The following PTCHD4 variants were observed in gnomAD, a reference collection of about 807,000 sequenced individuals.
The protein encoded by PTCHD4 is patched domain-containing protein 4.
In PTCHD4, 33 loss-of-function variants were observed where a neutral mutation model predicts 58.1. The observed-to-expected ratio is 0.57, with a 90% CI of 0.43 to 0.76. PTCHD4 has a LOEUF of 0.76. Ranked by LOEUF, PTCHD4 falls within the 30% of genes least tolerant of loss-of-function variation. The pLI is 0.00. For synonymous variants in PTCHD4, 478 were observed against 409.6 expected (o/e 1.17, Z -2.02); for missense variants, 1,058 against 1,027.1 (o/e 1.03, Z -0.41).
chr6:48,092,920 AG>A (rs1765395733), intron 1 of PTCHD4, among the ~76,000 whole-genome samples: 1 of 152,152 alleles, frequency 6.6e-6, no homozygotes, highest in African/African-American at 2.4e-5. Context: ...TTTGAATTTT[AG>A]GAATGTCTGT....
At position 47,903,810 on chromosome 6, in the gene PTCHD4, A is replaced by G. The variant is rs996021175; in HGVS notation, c.899-23874T>C. ...TATTTAATATGTTGTATATTGATGA[A>G]TTTTGAAACTGAAGCAGAACAGAGG... On this transcript the variant is annotated intron_variant, in intron 4 of 4. Transcript: ENST00000339488. Among the ~76,000 whole-genome samples the G allele has an allele frequency of 2.0e-5, 3 of 152,172 alleles. No individual in the cohort carries two copies. The East Asian group carries it at 5.8e-4, about 29-fold the overall frequency.
chr6:47,911,620 T>A (rs1765073007), intron 4 of PTCHD4, among the ~76,000 whole-genome samples: 1 of 152,076 alleles, frequency 6.6e-6, no homozygotes, highest in Admixed American at 6.6e-5. Flanking sequence ...TTGACTGAAT[T>A]GGTAAAGACT....
At position 47,880,761 on chromosome 6, in the gene PTCHD4, T is replaced by C. The variant is rs140458860; in HGVS notation, c.899-825A>G. Among the ~76,000 whole-genome samples, 417 of 152,266 alleles carry C rather than the reference T, an allele frequency of 2.7e-3. 3 individuals carry two copies. The highest frequency in any genetic ancestry group is 8.1e-3 in the African/African-American group (336 of 41,570). Reference sequence around the variant, plus strand: ...AGGCAAAAGGCTTAGTCAACACATATTACTTGAACACCCAGTGTATGCCAG... The same window carrying C: ...AGGCAAAAGGCTTAGTCAACACATACTACTTGAACACCCAGTGTATGCCAG... On this transcript the variant is annotated intron_variant, in intron 4 of 4. Coordinates refer to ENST00000339488, the MANE Select transcript of PTCHD4 (RefSeq NM_001384253.1).
rs1038622906 is a variant in PTCHD4 at position 47,865,320 on chromosome 6, A to G, written c.*12983T>C. On this transcript the variant is annotated 3_prime_UTR_variant, in exon 5 of 5. Coordinates refer to ENST00000339488, the MANE Select transcript of PTCHD4 (RefSeq NM_001384253.1). ...AATGCAATATAAACCATTTTTCCCCAAGTTAGATATGCAGAAAACCAAATC... is the reference window on the plus strand; with the variant it reads ...AATGCAATATAAACCATTTTTCCCCGAGTTAGATATGCAGAAAACCAAATC... Among the ~76,000 whole-genome samples, 2 of 151,918 alleles carry G rather than the reference A, an allele frequency of 1.3e-5. No individual in the cohort carries two copies. Among genetic ancestry groups the G allele is most frequent in the Non-Finnish European group, 2.9e-5 (2 of 67,922 alleles).
chr6:47,942,086 T>C (rs1766251337), intron 4 of PTCHD4, among the ~76,000 whole-genome samples: 1 of 152,220 alleles, frequency 6.6e-6, no homozygotes, highest in East Asian at 1.9e-4. Context: ...TTATGCAATT[T>C]GGCCATTCAC....
intron 4 of PTCHD4, among the ~76,000 whole-genome samples, chr6:47,937,642 T>C (rs1766052130): frequency 6.6e-6 from 1 of 152,130 alleles, no homozygotes; most frequent in Admixed American, 6.5e-5. Context: ...GCTGGAGGTG[T>C]ACCTTTGGAG....
intron 3 of PTCHD4, among the ~76,000 whole-genome samples, chr6:48,023,906 G>A (rs1461560252): frequency 2.6e-5 from 4 of 152,154 alleles, no homozygotes; most frequent in Non-Finnish European, 5.9e-5. Context: ...CCATAGCAAT[G>A]ATGGCAAAAC....
intron 3 of PTCHD4, among the ~76,000 whole-genome samples, chr6:48,028,070 T>C (rs979505886): frequency 1.3e-5 from 2 of 152,056 alleles, no homozygotes; most frequent in Non-Finnish European, 2.9e-5. Flanking sequence ...GCCTCCCCAG[T>C]AGCTGAGATT....
chr6:48,007,385 G>A (rs1762481598), intron 4 of PTCHD4, among the ~76,000 whole-genome samples: 1 of 152,082 alleles, frequency 6.6e-6, no homozygotes, highest in African/African-American at 2.4e-5. Flanking sequence ...ATTTGCTAAG[G>A]TTGAAAAAGA....
chr6:48,078,441 G>A (rs2113890891), intron 1 of PTCHD4, among the ~76,000 whole-genome samples: 1 of 152,318 alleles, frequency 6.6e-6, no homozygotes, highest in South Asian at 2.1e-4. Flanking sequence ...CCAAATTATA[G>A]TATGGTGCAG....
chr6:48,079,572 G>T (rs955057365), intron 1 of PTCHD4, among the ~76,000 whole-genome samples: 3 of 151,498 alleles, frequency 2.0e-5, no homozygotes, highest in Non-Finnish European at 4.4e-5. Flanking sequence ...GAAAAAGGCA[G>T]TGAGAAGGGG....
intron 4 of PTCHD4, among the ~76,000 whole-genome samples, chr6:47,994,396 C>A (rs914527710): frequency 6.6e-6 from 1 of 152,096 alleles, no homozygotes; most frequent in Non-Finnish European, 1.5e-5. Context: ...TGTCCTAGGC[C>A]CTCTACTAGT....
chr6:47,946,229 G>T (rs997859568), intron 4 of PTCHD4, among the ~76,000 whole-genome samples: 1 of 151,916 alleles, frequency 6.6e-6, no homozygotes, highest in Admixed American at 6.6e-5. Flanking sequence ...TCATTGTGTT[G>T]TTGAAATATT....
intron 3 of PTCHD4, among the ~76,000 whole-genome samples, chr6:48,056,322 A>G (rs937993283): frequency 6.6e-6 from 1 of 152,214 alleles, no homozygotes; most frequent in African/African-American, 2.4e-5. Flanking sequence ...TGTTAACAGT[A>G]TGCTTCACCT....
chr6:48,109,332 C>T (rs1156429721), intron 1 of PTCHD4, among the ~76,000 whole-genome samples: 1 of 152,076 alleles, frequency 6.6e-6, no homozygotes, highest in African/African-American at 2.4e-5. Flanking sequence ...TATGAACATA[C>T]AACTTTTTAA....
chr6:48,019,959 G>T (rs889673770), intron 3 of PTCHD4, among the ~76,000 whole-genome samples: 4 of 150,260 alleles, frequency 2.7e-5, no homozygotes, highest in Non-Finnish European at 4.5e-5. Flanking sequence ...AGAGGAAACA[G>T]CATACACAAA....
At chr6:48,087,009 CAG>C (rs1391307062) in intron 1 of PTCHD4, among the ~76,000 whole-genome samples, 1 of 152,090 alleles carries the variant, frequency 6.6e-6, no homozygotes, top group Non-Finnish European at 1.5e-5. Context: ...AGGCTTTCAG[CAG>C]AGTTAGAGAA....
intron 4 of PTCHD4, among the ~76,000 whole-genome samples, chr6:47,915,209 AT>A (rs1765206895): frequency 6.6e-6 from 1 of 152,108 alleles, no homozygotes; most frequent in Non-Finnish European, 1.5e-5. Flanking sequence ...GTCAATATGG[AT>A]TGTAAAAGCT....
At chr6:48,051,656 G>C (rs1410560834) in intron 3 of PTCHD4, among the ~76,000 whole-genome samples, 1 of 151,860 alleles carries the variant, frequency 6.6e-6, no homozygotes, top group Non-Finnish European at 1.5e-5. Context: ...GCATTATTGG[G>C]ATTTTATGCT....
Sources: gnomAD v4.1 joint callset for allele counts (sites outside exome capture counted in the v4.1 genomes callset) on GRCh38, gnomAD v4.1.1 for gene constraint, MANE v1.5 for transcripts, NCBI Gene and HGNC (gene_info 2026-07-23, HGNC 2026-07-21) for gene names.